The following CPNE3 variants were observed in gnomAD, a reference collection of about 807,000 sequenced individuals.
The protein encoded by CPNE3 is copine-3.
In CPNE3, 68 loss-of-function variants were observed where a neutral mutation model predicts 63.9. That is an observed-to-expected ratio of 1.06 (90% confidence interval 0.87 to 1.30). The LOEUF (loss-of-function observed/expected upper bound fraction) is 1.30, where lower values mean the gene tolerates loss of function less well. Among genes scored for constraint, CPNE3 ranks in the 50% most tolerant of loss-of-function variants. The pLI is 0.00. For missense variants in CPNE3, 665 were observed against 578.1 expected (o/e 1.15, Z -1.54); for synonymous variants, 219 against 197.5 (o/e 1.11, Z -0.91).
At chr8:86,558,122 C>T (rs1216650122) in intron 16 of CPNE3, among the ~76,000 whole-genome samples, 166 bp from the exon 17 acceptor site, 4 of 152,152 alleles carry the variant, frequency 2.6e-5, no homozygotes. Flanking sequence ...GTAACATTGG[C>T]TAGTTAACTC....
intron 15 of CPNE3, 122 bp from the exon 16 acceptor site, chr8:86,555,980 T>C (rs886310228): frequency 4.3e-6 from 3 of 691,612 alleles, no homozygotes; most frequent in African/African-American, 3.5e-5. Context: ...TTTTATGTGG[T>C]GGTAGCTAGG....
chr8:86,532,489 C>T lies in CPNE3; in HGVS notation c.388-20C>T. The T allele has an allele frequency of 6.3e-7, 1 of 1,590,012 alleles. No homozygotes were observed. The highest frequency in any genetic ancestry group is 8.6e-7 in the Non-Finnish European group (1 of 1,167,086). On this transcript the variant is annotated intron_variant, in intron 5 of 16. Coordinates refer to ENST00000517490, the MANE Select transcript of CPNE3 (RefSeq NM_003909.5). ...AATTCCTAAAACATATTTTCTTTCA[C>T]TTACCTGATCTACTCATAGATTTCA...
rs1209433716 is a variant in CPNE3 at position 86,540,304 on chromosome 8, G to T, written c.603G>T (p.Leu201=). Residue 201 remains leucine (L), a synonymous_variant, in exon 8 of 17, where the codon CTG becomes CTT. Transcript: ENST00000517490. ...CTTTCAAGATCTCTCTTAACTCACT[G>T]TGTTACGGAGATATGGACAAAACCA... The part of the protein sequence containing the change: ...WRPFKISLNS[L]CYGDMDKTIK... 1.3e-6 allele frequency: 2 copies of T among 1,573,762 alleles called. No individual in the cohort carries two copies. The highest frequency in any genetic ancestry group is 3.8e-5 in the Admixed American group (2 of 53,280).
intron 2 of CPNE3, among the ~76,000 whole-genome samples, chr8:86,527,569 C>T (rs1419587932): frequency 6.6e-6 from 1 of 152,174 alleles, no homozygotes; most frequent in Non-Finnish European, 1.5e-5. Context: ...CTTGTCTACA[C>T]ATTAGAATCA....
intron 2 of CPNE3, among the ~76,000 whole-genome samples, chr8:86,525,363 A>G (rs6651178): frequency 0.012 from 1,818 of 152,328 alleles, 33 homozygotes; most frequent in African/African-American, 0.041. Context: ...AATTACATTA[A>G]AAGGAAATGA....
At chr8:86,550,609 T>C (rs1821152591) in intron 12 of CPNE3, among the ~76,000 whole-genome samples, 1 of 152,212 alleles carries the variant, frequency 6.6e-6, no homozygotes, top group African/African-American at 2.4e-5. Context: ...TATGAATGTT[T>C]GTATTAAGTG....
chr8:86,517,509 G>GT (rs1820341595), intron 2 of CPNE3, among the ~76,000 whole-genome samples: 1 of 152,140 alleles, frequency 6.6e-6, no homozygotes, highest in Non-Finnish European at 1.5e-5. Context: ...ACCTGCAACT[G>GT]TAAAGAGGAA....
intron 12 of CPNE3, 123 bp from the exon 13 acceptor site, chr8:86,550,923 A>T: frequency 1.1e-6 from 1 of 932,100 alleles, no homozygotes; most frequent in Non-Finnish European, 1.5e-6. Context: ...CAGTTAATAT[A>T]GGTAATCTTT....
At chr8:86,547,599 T>C (rs1448755861) in intron 10 of CPNE3, 112 bp from the exon 11 acceptor site, 1 of 656,992 alleles carries the variant, frequency 1.5e-6, no homozygotes, top group Non-Finnish European at 2.7e-6. Context: ...AATTTCCATG[T>C]TTATATCATG....
intron 2 of CPNE3, among the ~76,000 whole-genome samples, chr8:86,522,469 A>G (rs917701069): frequency 4.7e-5 from 7 of 149,520 alleles, no homozygotes; most frequent in Admixed American, 3.3e-4. Context: ...GGTAATAAAT[A>G]CATTTGCTAG....
chr8:86,541,718 A>C (rs1005266102), intron 8 of CPNE3, among the ~76,000 whole-genome samples: 1 of 151,278 alleles, frequency 6.6e-6, no homozygotes, highest in African/African-American at 2.4e-5. Flanking sequence ...AAAAAAAAAA[A>C]AAAAAACTGC....
At chr8:86,556,008 A>C (rs1821316387) in intron 15 of CPNE3, 94 bp from the exon 16 acceptor site, 7 of 748,086 alleles carry the variant, frequency 9.4e-6, no homozygotes, top group Non-Finnish European at 1.7e-5. Flanking sequence ...CTGGCAAGGA[A>C]AATGAACAAG....
intron 4 of CPNE3, among the ~76,000 whole-genome samples, chr8:86,529,746 A>T (rs1820627639): frequency 6.6e-6 from 1 of 152,208 alleles, no homozygotes; most frequent in South Asian, 2.1e-4. Context: ...TCCTAGGTTA[A>T]TCTGATTCAT....
intron 7 of CPNE3, among the ~76,000 whole-genome samples, chr8:86,538,279 G>A (rs1820850548): frequency 6.6e-6 from 1 of 152,132 alleles, no homozygotes. Flanking sequence ...GGAAACTGAG[G>A]CACAAGAATT....
intron 2 of CPNE3, among the ~76,000 whole-genome samples, chr8:86,523,435 G>A (rs933462542): frequency 4.6e-5 from 7 of 152,090 alleles, no homozygotes; most frequent in Non-Finnish European, 8.8e-5. Context: ...AAATATGTTC[G>A]CTGCCCACAG....
rs1462579940 is a variant in CPNE3 at position 86,556,352 on chromosome 8, C to T, written c.1491+14C>T. On this transcript the variant is annotated intron_variant, in intron 16 of 16. Transcript: ENST00000517490. ...CAGTTCCAGAATGTGAGTACCACTC[C>T]TCCCTACTCAAACACTAAAGTGACT... 1 of 872,586 alleles carries T rather than the reference C, an allele frequency of 1.1e-6. No homozygotes were observed. Among genetic ancestry groups the T allele is most frequent in the Non-Finnish European group, 2.0e-6 (1 of 501,356 alleles). The allele number at this position is 872,586 out of a possible 1,614,324, so 54.1% of individuals were successfully genotyped here. A position where few individuals can be genotyped will look rare whatever the true frequency, so the allele number is the denominator to read the frequency against.
chr8:86,521,887 A>G (rs1340571023), intron 2 of CPNE3, among the ~76,000 whole-genome samples: 1 of 152,144 alleles, frequency 6.6e-6, no homozygotes, highest in Non-Finnish European at 1.5e-5. Flanking sequence ...ACCTTCCACC[A>G]TGTAGTAATC....
intron 1 of CPNE3, chr8:86,515,149 A>T (rs1243197576): frequency 6.6e-6 from 1 of 152,214 alleles, no homozygotes; most frequent in African/African-American, 2.4e-5. Context: ...CAGCTTCAAG[A>T]TTCTTCTGTC....
At chr8:86,528,892 C>A in intron 3 of CPNE3, 53 bp from the exon 4 acceptor site, 2 of 1,488,648 alleles carry the variant, frequency 1.3e-6, no homozygotes, top group Middle Eastern at 1.8e-4. Flanking sequence ...ATGTGAAAAT[C>A]CAAGTGCACC....
Sources: gnomAD v4.1 joint callset for allele counts (sites outside exome capture counted in the v4.1 genomes callset) on GRCh38, gnomAD v4.1.1 for gene constraint, MANE v1.5 for transcripts, NCBI Gene and HGNC (gene_info 2026-07-23, HGNC 2026-07-21) for gene names.